MRPL50: variants seen among roughly 807,000 people sequenced by gnomAD.
MRPL50 encodes the protein mitochondrial ribosomal protein L50, also known as large ribosomal subunit protein mL50.
Under a neutral mutation model 16.2 loss-of-function variants are expected in MRPL50, and 10 were observed. The observed-to-expected ratio is 0.62, with a 90% CI of 0.38 to 1.05. The LOEUF is 1.05. MRPL50 is among the 50% of genes least tolerant of loss of function. MRPL50 has a pLI of 0.01. For synonymous variants in MRPL50, 68 were observed against 66.8 expected, an observed-to-expected ratio of 1.02 and a Z score of -0.09; for missense variants, 213 against 187.1, an observed-to-expected ratio of 1.14 and a Z score of -0.81.
chr9:101,397,137 T>C (rs779495729), intron 1 of MRPL50, among the ~76,000 whole-genome samples: 4 of 151,926 alleles, frequency 2.6e-5, no homozygotes, highest in Non-Finnish European at 5.9e-5. Context: ...CTTCTGAGAG[T>C]AAATCTTAAG....
At chr9:101,393,626 T>C (rs1830301759) in intron 1 of MRPL50, among the ~76,000 whole-genome samples, 1 of 152,036 alleles carries the variant, frequency 6.6e-6, no homozygotes, top group Non-Finnish European at 1.5e-5. Flanking sequence ...ACAAAATCAG[T>C]AGCATTTCCA....
Position 101,389,003 on chromosome 9 carries a change from T to G in MRPL50, c.*1463A>C, listed in dbSNP as rs10819925. 60,519 of 150,352 alleles carry G rather than the reference T, an allele frequency of 0.4. 13,465 individuals carry two copies. Among genetic ancestry groups the G allele is most frequent in the African/African-American group, 0.61 (25,103 of 41,254 alleles). 9.3% of individuals were successfully genotyped at this position (150,352 alleles called of 1,614,324 possible). On this transcript the variant is annotated 3_prime_UTR_variant, in exon 2 of 2. Transcript: ENST00000374865. ...ATTCACAACTATAACATATAACATATTATTCACAATAGTTATGTTCACAAC... is the reference window on the plus strand; with the variant it reads ...ATTCACAACTATAACATATAACATAGTATTCACAATAGTTATGTTCACAAC...
intron 1 of MRPL50, among the ~76,000 whole-genome samples, chr9:101,393,990 C>CAAA (rs76598460): frequency 1.3e-3 from 86 of 66,398 alleles, no homozygotes; most frequent in East Asian, 2.8e-3. Flanking sequence ...TAATGCTAAG[C>CAAA]AAAAAAAAAA....
rs780693942 is a variant in MRPL50 at position 101,398,498 on chromosome 9, T to C, written c.92+3A>G. 3.1e-6 allele frequency: 5 copies of C among 1,613,218 alleles called. No individual in the cohort carries two copies. The highest frequency in any genetic ancestry group is 4.2e-6 in the Non-Finnish European group (5 of 1,179,284). On this transcript the variant is annotated splice_donor_region_variant and intron_variant, in intron 1 of 1. Coordinates refer to ENST00000374865, the MANE Select transcript of MRPL50 (RefSeq NM_019051.3). ...TGACCCACCGTCCACCATAAAGCTT[T>C]ACCTGAATCGAGACCAAAATTCTCT...
In MRPL50 at chr9:101,390,830, A is replaced by C; in HGVS notation, c.113T>G (p.Val38Gly). 1 of 1,597,954 alleles carries C rather than the reference A, an allele frequency of 6.3e-7. No homozygotes were observed. The highest frequency in any genetic ancestry group is 1.4e-5 in the African/African-American group (1 of 73,792). ...CTTTTTCTCTTCTACTGTCTCAACAACCACTGGCTCTTTCTCTTTTCTGGA... is the reference window on the plus strand; with the variant it reads ...CTTTTTCTCTTCTACTGTCTCAACACCCACTGGCTCTTTCTCTTTTCTGGA... ...SRFRKEKEPV[V>G]VETVEEKKEP... Residue 38 changes from valine to glycine, a missense_variant, in exon 2 of 2, where the codon GTT becomes GGT. Physicochemically the swap from Val to Gly is moderately radical, Grantham distance 109 (BLOSUM62 -3). Coordinates refer to ENST00000374865, the MANE Select transcript of MRPL50 (RefSeq NM_019051.3).
In MRPL50 at chr9:101,390,494, G is replaced by T. The variant is rs762434483; in HGVS notation, c.449C>A (p.Pro150His). Reference protein sequence around the residue: ...FDELSASNLPPNLKITWSY With the variant: ...FDELSASNLPHNLKITWSY ...GTAACTCCAAGTGATTTTCAAATTG[G>T]GGGGCAGATTACTGGCACTGAGTTC... Residue 150 changes from proline to histidine, a missense_variant, in exon 2 of 2, where the codon CCC (proline) becomes CAC (histidine). Coordinates refer to ENST00000374865, the MANE Select transcript of MRPL50 (RefSeq NM_019051.3). 1.7e-5 allele frequency: 27 copies of T among 1,611,214 alleles called. No individual in the cohort carries two copies. In the Admixed American group the frequency reaches 4.5e-4, roughly 27 times the overall value.
intron 1 of MRPL50, among the ~76,000 whole-genome samples, chr9:101,397,928 T>G (rs1449107601): frequency 2.6e-5 from 4 of 152,212 alleles, no homozygotes; most frequent in African/African-American, 9.7e-5. Context: ...GCTTTGCAAT[T>G]AACTTGCTTT....
chr9:101,398,480 C>T, intron 1 of MRPL50, 21 bp downstream of exon 1: 3 of 1,603,480 alleles, frequency 1.9e-6, no homozygotes, highest in African/African-American at 1.3e-5. Flanking sequence ...ACATGACCCA[C>T]CGTCCACCAT....
At position 101,390,732 on chromosome 9, in the gene MRPL50, C is replaced by T; in HGVS notation, c.211G>A (p.Glu71Lys). ...CCAAAAACTTCTTTAACGTAAGATT[C>T]CAAACGACTCTGGAGATCTTCAGGT... is the stretch of plus-strand genomic sequence containing the variant. ...TPPEDLQSRL[E>K]SYVKEVFGSS... The change falls in exon 2 of 2, where the codon GAA becomes AAA. Residue 71 changes from glutamate to lysine, a missense_variant. Physicochemically the swap from Glu to Lys is moderately conservative, Grantham distance 56. Transcript: ENST00000374865. 4.3e-6 allele frequency: 7 copies of T among 1,613,494 alleles called. No individual in the cohort carries two copies. The highest frequency in any genetic ancestry group is 5.9e-6 in the Non-Finnish European group (7 of 1,179,560).
chr9:101,398,578 A>T lies in MRPL50; in HGVS notation c.15T>A (p.Ser5=). Residue 5 remains serine (S), a synonymous_variant, in exon 1 of 2, where the codon TCT becomes TCA. Coordinates refer to ENST00000374865, the MANE Select transcript of MRPL50 (RefSeq NM_019051.3). MAAR[S]VSGITRRVFM... ...AGACTCTTCTGGTAATGCCCGACAC[A>T]GATCGCGCCGCCATCTTCGATGAGA... 1 of 1,613,806 alleles carries T rather than the reference A, an allele frequency of 6.2e-7. No homozygotes were observed. Among genetic ancestry groups the T allele is most frequent in the East Asian group, 2.2e-5 (1 of 44,874 alleles).
chr9:101,389,299 C>A lies in MRPL50; in HGVS notation c.*1167G>T, dbSNP rs1208934174. On this transcript the variant is annotated 3_prime_UTR_variant, in exon 2 of 2. Transcript: ENST00000374865. ...TGGTATCCAAGTAGGTGTCCTGGAA[C>A]CAATCCCCAAGGAATCAACTCTAAT... 1 of 348,066 alleles carries A rather than the reference C, an allele frequency of 2.9e-6. No homozygotes were observed. The highest frequency in any genetic ancestry group is 5.0e-5 in the Admixed American group (1 of 20,148). The allele number at this position is 348,066 out of a possible 1,614,324, so 21.6% of individuals were successfully genotyped here. A position where few individuals can be genotyped will look rare whatever the true frequency, so the allele number is the denominator to read the frequency against.
At chr9:101,397,208 C>T (rs1219965376) in intron 1 of MRPL50, among the ~76,000 whole-genome samples, 1 of 152,080 alleles carries the variant, frequency 6.6e-6, no homozygotes, top group Non-Finnish European at 1.5e-5. Flanking sequence ...CCCCTGGAAT[C>T]CCAGCAATTT....
At chr9:101,390,957 G>A (rs1223109261) in intron 1 of MRPL50, 107 bp from the exon 2 acceptor site, 3 of 1,223,438 alleles carry the variant, frequency 2.5e-6, no homozygotes, top group African/African-American at 1.5e-5. Flanking sequence ...GATTACCACT[G>A]GGGACTACTG....
chr9:101,395,245 C>G (rs145020501), intron 1 of MRPL50, among the ~76,000 whole-genome samples: 49 of 152,188 alleles, frequency 3.2e-4, no homozygotes, highest in South Asian at 6.2e-4. Flanking sequence ...GTTAAAATGA[C>G]TATTATTTAA....
At chr9:101,390,875 C>A (rs567463599) in intron 1 of MRPL50, 25 bp from the exon 2 acceptor site, 4 of 1,553,750 alleles carry the variant, frequency 2.6e-6, no homozygotes, top group African/African-American at 2.8e-5. Flanking sequence ...AACAAACAGA[C>A]AAATCCATTA....
In MRPL50 at chr9:101,390,415, C is replaced by T. The variant is rs1830254199; in HGVS notation, c.*51G>A. 6.4e-7 allele frequency: 1 copy of T among 1,561,784 alleles called. No individual in the cohort carries two copies. The highest frequency in any genetic ancestry group is 8.7e-7 in the Non-Finnish European group (1 of 1,155,238). ...GTATCAAAAGATCTAATGAGCAGCC[C>T]CCTTGCTCAGGGAAAGACAGTGATT... On this transcript the variant is annotated 3_prime_UTR_variant, in exon 2 of 2. Transcript: ENST00000374865.
intron 1 of MRPL50, among the ~76,000 whole-genome samples, chr9:101,392,287 G>A (rs1178348861): frequency 6.6e-6 from 1 of 151,046 alleles, no homozygotes; most frequent in East Asian, 1.9e-4. Context: ...ATTAGTAGAA[G>A]GAAAGAAATA....
chr9:101,390,279 TAGAA>T lies in MRPL50; in HGVS notation c.*183_*186del. ...AAAATGGTTTCAGCAAATATGAAAATAGAAAGTCCGTTATTTGTCCATTTGTAAT... is the reference window on the plus strand; with the variant it reads ...AAAATGGTTTCAGCAAATATGAAAATAGTCCGTTATTTGTCCATTTGTAAT... On this transcript the variant is annotated 3_prime_UTR_variant, in exon 2 of 2. Coordinates refer to ENST00000374865, the MANE Select transcript of MRPL50 (RefSeq NM_019051.3). 1.6e-6 allele frequency: 2 copies of T among 1,287,750 alleles called. No individual in the cohort carries two copies. The highest frequency in any genetic ancestry group is 5.2e-5 in the South Asian group (2 of 38,568). 79.8% of individuals were successfully genotyped at this position (1,287,750 alleles called of 1,614,324 possible). A position where few individuals can be genotyped will look rare whatever the true frequency, so the allele number is the denominator to read the frequency against.
chr9:101,395,119 C>G (rs1830323384), intron 1 of MRPL50, among the ~76,000 whole-genome samples: 1 of 152,030 alleles, frequency 6.6e-6, no homozygotes, highest in African/African-American at 2.4e-5. Context: ...AGCAAAAGAT[C>G]TGAATACATA....
Sources: allele counts gnomAD v4.1 joint callset (sites outside exome capture counted in the v4.1 genomes callset), GRCh38; gene constraint gnomAD v4.1.1; transcripts MANE v1.5; gene names NCBI Gene and HGNC (gene_info 2026-07-23, HGNC 2026-07-21).